TENM2: variants seen among roughly 807,000 people sequenced by gnomAD.
The protein encoded by TENM2 is teneurin transmembrane protein 2.
In TENM2, 52 loss-of-function variants were observed where a neutral mutation model predicts 245.2. That is an observed-to-expected ratio of 0.21 (90% CI 0.17 to 0.27). The LOEUF is 0.27. TENM2 is among the 10% of genes least tolerant of loss of function. The pLI is 1.00. For missense variants in TENM2, 3,046 were observed against 3,666.8 expected (o/e 0.83, Z 4.37); for synonymous variants, 1,363 against 1,438.9 (o/e 0.95, Z 1.19).
intron 2 of TENM2, among the ~76,000 whole-genome samples, chr5:167,685,721 T>A (rs1757030799): frequency 6.6e-6 from 1 of 152,200 alleles, no homozygotes; most frequent in Non-Finnish European, 1.5e-5. Context: ...TTATCTGTAA[T>A]GATATATGAT....
At chr5:167,346,825 G>T (rs958867529) in intron 1 of TENM2, among the ~76,000 whole-genome samples, 1 of 152,042 alleles carries the variant, frequency 6.6e-6, no homozygotes, top group African/African-American at 2.4e-5. Flanking sequence ...TCAGGCTGGA[G>T]TGCAGTGGCA....
intron 2 of TENM2, among the ~76,000 whole-genome samples, chr5:167,865,606 A>G (rs573686753): frequency 6.6e-6 from 1 of 152,256 alleles, no homozygotes; most frequent in African/African-American, 2.4e-5. Context: ...GTTGCGTTCT[A>G]AAGTCTGAAA....
the TENM2 span, among the ~76,000 whole-genome samples, chr5:167,028,669 C>A: frequency 6.6e-6 from 1 of 151,760 alleles, no homozygotes; most frequent in African/African-American, 2.4e-5. Flanking sequence ...AAACATACAT[C>A]AAATAGCCAT....
the TENM2 span, among the ~76,000 whole-genome samples, chr5:167,221,604 T>C: frequency 1.3e-5 from 2 of 152,196 alleles, no homozygotes; most frequent in Non-Finnish European, 2.9e-5. Flanking sequence ...GCAAGCAATT[T>C]ATAGAATACC....
At chr5:168,223,295 AATCC>A (rs1269504077) in intron 23 of TENM2, among the ~76,000 whole-genome samples, 1 of 152,150 alleles carries the variant, frequency 6.6e-6, no homozygotes, top group Non-Finnish European at 1.5e-5. Flanking sequence ...TTGGAATTAA[AATCC>A]TTGCCCTGGT....
chr5:168,201,600 C>CA (rs925242703), intron 17 of TENM2, among the ~76,000 whole-genome samples: 3 of 151,898 alleles, frequency 2.0e-5, no homozygotes, highest in African/African-American at 7.3e-5. Flanking sequence ...ATCATCACAA[C>CA]AAAAAAACAC....
At chr5:167,802,920 G>A (rs1209579438) in intron 2 of TENM2, among the ~76,000 whole-genome samples, 1 of 152,122 alleles carries the variant, frequency 6.6e-6, no homozygotes, top group Admixed American at 6.6e-5. Flanking sequence ...TAACTTGTGT[G>A]AGTCCTAGAA....
At chr5:168,190,518 C>G in exon 14 of TENM2, 1 of 1,613,996 alleles carries the variant, frequency 6.2e-7, no homozygotes, top group Non-Finnish European at 8.5e-7. Flanking sequence ...GCACCCACAT[C>G]ATTCCTGGAG....
chr5:167,568,901 C>T (rs1046447349), intron 2 of TENM2, among the ~76,000 whole-genome samples: 3 of 151,948 alleles, frequency 2.0e-5, no homozygotes, highest in Admixed American at 2.0e-4. Context: ...GGTGATTAAA[C>T]GCTGTGGGTA....
intron 2 of TENM2, among the ~76,000 whole-genome samples, chr5:167,779,695 C>T (rs1409884549): frequency 6.6e-6 from 1 of 152,238 alleles, no homozygotes; most frequent in Non-Finnish European, 1.5e-5. Flanking sequence ...AGTGGCTCCC[C>T]TCTTCGTGTT....
At chr5:167,061,960 T>C in the TENM2 span, among the ~76,000 whole-genome samples, 1 of 151,642 alleles carries the variant, frequency 6.6e-6, no homozygotes, top group Non-Finnish European at 1.5e-5. Context: ...AAACTGTCAA[T>C]AGAATCTGAG....
intron 2 of TENM2, among the ~76,000 whole-genome samples, chr5:167,665,185 A>G (rs1021205517): frequency 1.1e-4 from 17 of 152,196 alleles, no homozygotes; most frequent in Non-Finnish European, 2.1e-4. Flanking sequence ...GGACAAGGGC[A>G]GTGACTGTAG....
the TENM2 span, among the ~76,000 whole-genome samples, chr5:167,020,420 C>T: frequency 6.6e-6 from 1 of 152,182 alleles, no homozygotes; most frequent in Non-Finnish European, 1.5e-5. Flanking sequence ...CCTAGGTGTA[C>T]TTGATCTGCC....
intron 2 of TENM2, among the ~76,000 whole-genome samples, chr5:167,812,261 C>T (rs1467919284): frequency 3.9e-5 from 6 of 152,146 alleles, no homozygotes; most frequent in East Asian, 1.9e-4. Flanking sequence ...TGTCTGGAGC[C>T]GAGGGAGAAT....
chr5:167,458,486 C>CAAA lies in TENM2; in HGVS notation c.502+83018_502+83020dup, dbSNP rs1466388818. On this transcript the variant is annotated intron_variant, in intron 2 of 28. Transcript: ENST00000518659. Reference sequence around the variant, plus strand: ...TAGGCGACAAAGCAAGACTCCGTCTCAAAAAAACAAAAAAAAAAAAAAAAA... The same window carrying CAAA: ...TAGGCGACAAAGCAAGACTCCGTCTCAAAAAAAAAACAAAAAAAAAAAAAAAAA... Among the ~76,000 whole-genome samples the CAAA allele has an allele frequency of 9.0e-4, 32 of 35,684 alleles. 2 individuals are homozygous for CAAA. Among genetic ancestry groups the CAAA allele is most frequent in the Non-Finnish European group, 1.7e-3 (26 of 14,930 alleles). 23.4% of individuals were successfully genotyped at this position (35,684 alleles called of 152,430 possible). A position where few individuals can be genotyped will look rare whatever the true frequency, so the allele number is the denominator to read the frequency against.
At chr5:167,068,193 G>T in the TENM2 span, among the ~76,000 whole-genome samples, 4 of 152,154 alleles carry the variant, frequency 2.6e-5, no homozygotes, top group Non-Finnish European at 5.9e-5. Context: ...TTTAATAGTA[G>T]ATGGCAAAAT....
intron 2 of TENM2, among the ~76,000 whole-genome samples, chr5:167,849,797 G>A (rs1770401538): frequency 6.6e-6 from 1 of 152,136 alleles, no homozygotes; most frequent in African/African-American, 2.4e-5. Context: ...ATTTTACAAA[G>A]GACACAGATG....
chr5:168,208,194 G>A lies in TENM2; in HGVS notation c.3825-3540G>A, dbSNP rs60475403. Reference sequence around the variant, plus strand: ...GGCAGTAAATTATACGGGATGGGACGGTATCTCTCTCCCTTTTCTTAGCTT... The same window carrying A: ...GGCAGTAAATTATACGGGATGGGACAGTATCTCTCTCCCTTTTCTTAGCTT... On this transcript the variant is annotated intron_variant, in intron 19 of 28. Coordinates refer to ENST00000518659, the Ensembl canonical transcript of TENM2. Among the ~76,000 whole-genome samples the A allele has an allele frequency of 2.4e-3, 372 of 152,178 alleles. 1 individual carries two copies. Among genetic ancestry groups the A allele is most frequent in the African/African-American group, 8.6e-3 (358 of 41,530 alleles).
chr5:168,195,188 C>T, exon 15 of TENM2: 1 of 1,601,468 alleles, frequency 6.2e-7, no homozygotes, highest in Non-Finnish European at 8.5e-7. Context: ...TGGTTTCTCT[C>T]ATCCGAGGCC....
Sources: gnomAD v4.1 joint callset for allele counts (sites outside exome capture counted in the v4.1 genomes callset) on GRCh38, gnomAD v4.1.1 for gene constraint, MANE v1.5 for transcripts, NCBI Gene and HGNC (gene_info 2026-07-23, HGNC 2026-07-21) for gene names.